Variants in FLNB observed in about 807,000 individuals in gnomAD.
FLNB encodes the protein filamin-B.
Under a neutral mutation model 250.6 loss-of-function variants are expected in FLNB, and 111 were observed. The observed-to-expected ratio is 0.44, with a 90% CI of 0.38 to 0.52. The LOEUF (loss-of-function observed/expected upper bound fraction) is 0.52, where lower values mean the gene tolerates loss of function less well. FLNB is among the 20% of genes least tolerant of loss of function. The pLI is 0.00. For missense variants in FLNB, 2,869 were observed against 3,447.8 expected, an observed-to-expected ratio of 0.83 and a Z score of 4.20; for synonymous variants, 1,302 against 1,372.1, an observed-to-expected ratio of 0.95 and a Z score of 1.13.
rs141420408 is a variant in FLNB at position 58,067,008 on chromosome 3, T to C, written c.293-10038T>C. Among the ~76,000 whole-genome samples the C allele has an allele frequency of 6.2e-4, 95 of 152,286 alleles. 1 individual carries two copies. Among genetic ancestry groups the C allele is most frequent in the East Asian group, 3.3e-3 (17 of 5,184 alleles). On this transcript the variant is annotated intron_variant, in intron 1 of 45. Coordinates refer to ENST00000295956, the MANE Select transcript of FLNB (RefSeq NM_001457.4). ...GAAGTCTGAGGTTATGCATAAGGAA[T>C]GTGTTATGGGCCTATAGTAGAAATC...
chr3:58,077,351 A>G, intron 2 of FLNB, 57 bp downstream of exon 2: 1 of 1,595,394 alleles, frequency 6.3e-7, no homozygotes, highest in African/African-American at 1.3e-5. Context: ...GTGGGTCCCA[A>G]ACATTCTGGT....
rs114589259 is a variant in FLNB at position 58,144,763 on chromosome 3, A to G, written c.5425+1150A>G. On this transcript the variant is annotated intron_variant, in intron 32 of 45. Coordinates refer to ENST00000295956, the MANE Select transcript of FLNB (RefSeq NM_001457.4). ...CTTCTTTTCCACAAAATTTGCCAGT[A>G]GAATATGGTATCAAATTTTTGGAGC... 5.8e-3 allele frequency among the ~76,000 whole-genome samples: 891 copies of G among 152,374 alleles called. 5 individuals are homozygous for G. Among genetic ancestry groups the G allele is most frequent in the African/African-American group, 0.02 (834 of 41,594 alleles).
intron 1 of FLNB, among the ~76,000 whole-genome samples, chr3:58,071,513 A>C (rs1016771938): frequency 6.6e-6 from 1 of 151,890 alleles, no homozygotes; most frequent in African/African-American, 2.4e-5. Flanking sequence ...TCCTGACCCC[A>C]AGTGATCCTC....
chr3:58,036,564 T>C (rs1388979759), intron 1 of FLNB, among the ~76,000 whole-genome samples: 1 of 152,182 alleles, frequency 6.6e-6, no homozygotes, highest in East Asian at 1.9e-4. Context: ...GTCTGCAAAC[T>C]ATCTCAAGCA....
intron 1 of FLNB, among the ~76,000 whole-genome samples, chr3:58,019,355 G>A (rs1290948395): frequency 1.3e-5 from 2 of 152,124 alleles, no homozygotes; most frequent in African/African-American, 4.8e-5. Flanking sequence ...TGTAACAAAG[G>A]CCAAACAGAG....
intron 25 of FLNB, chr3:58,132,315 TG>T: frequency 4.5e-6 from 2 of 441,604 alleles, no homozygotes; most frequent in South Asian, 4.6e-5. Context: ...CCTGCACCTA[TG>T]CCCCAGCATG....
chr3:58,044,084 G>C (rs1343366038), intron 1 of FLNB, among the ~76,000 whole-genome samples: 1 of 152,174 alleles, frequency 6.6e-6, no homozygotes, highest in South Asian at 2.1e-4. Context: ...CATAGGCAGA[G>C]ACCTCAGGGA....
intron 18 of FLNB, among the ~76,000 whole-genome samples, chr3:58,116,436 C>T (rs1390935151): frequency 6.6e-6 from 1 of 152,168 alleles, no homozygotes; most frequent in African/African-American, 2.4e-5. Context: ...ACGTGGGGAG[C>T]CGAGGTCCTG....
chr3:58,155,838 A>C, intron 40 of FLNB, 122 bp from the exon 41 acceptor site: 1 of 710,756 alleles, frequency 1.4e-6, no homozygotes, highest in South Asian at 1.5e-5. Flanking sequence ...CCACTCAACC[A>C]ATCAGCTGTG....
intron 25 of FLNB, chr3:58,132,163 C>G: frequency 1.6e-6 from 1 of 639,270 alleles, no homozygotes; most frequent in Non-Finnish European, 2.8e-6. Context: ...GTTGACCCAT[C>G]CTTGACTGTC....
intron 36 of FLNB, 101 bp from the exon 37 acceptor site, chr3:58,149,749 A>T: frequency 6.8e-7 from 1 of 1,464,960 alleles, no homozygotes; most frequent in Non-Finnish European, 9.5e-7. Context: ...GCTATGTAGA[A>T]ATAGATTGAG....
chr3:58,170,499 T>G lies in FLNB; in HGVS notation c.7622-76T>G, dbSNP rs982091626. ...GCATTATCGTGGAAGCACCTTACCT[T>G]TGGCTCTCATATTTCCTCTTCTTCC... On this transcript the variant is annotated intron_variant, in intron 45 of 45. Transcript: ENST00000295956. 3.4e-6 allele frequency: 5 copies of G among 1,452,302 alleles called. No individual in the cohort carries two copies. In the Admixed American group the frequency reaches 7.3e-5, roughly 21 times the overall value. The allele number at this position is 1,452,302 out of a possible 1,614,324, so 90.0% of individuals were successfully genotyped here. A position where few individuals can be genotyped will look rare whatever the true frequency, so the allele number is the denominator to read the frequency against.
Position 58,146,808 on chromosome 3 carries a change from TC to T in FLNB, c.5555-9del. On this transcript the variant is annotated splice_polypyrimidine_tract_variant and intron_variant, in intron 33 of 45. Coordinates refer to ENST00000295956, the MANE Select transcript of FLNB (RefSeq NM_001457.4). ...CTCCCTAACACCCCTGCATCCCTGT[TC>T]CCACTTGTAGGTGGTCTGGACTTGG... 1 of 1,614,132 alleles carries T rather than the reference TC, an allele frequency of 6.2e-7. No homozygotes were observed. Among genetic ancestry groups the T allele is most frequent in the Non-Finnish European group, 8.5e-7 (1 of 1,179,960 alleles).
At chr3:58,050,111 C>T (rs890817186) in intron 1 of FLNB, among the ~76,000 whole-genome samples, 4 of 150,884 alleles carry the variant, frequency 2.7e-5, no homozygotes, top group South Asian at 2.1e-4. Flanking sequence ...CTCACCGCAA[C>T]CTCTGCCTCC....
In FLNB at chr3:58,154,906, A is replaced by T; in HGVS notation, c.6750A>T (p.Val2250=). The T allele has an allele frequency of 6.2e-7, 1 of 1,614,124 alleles. No homozygotes were observed. Among genetic ancestry groups the T allele is most frequent in the Non-Finnish European group, 8.5e-7 (1 of 1,179,992 alleles). The part of the protein sequence containing the change: ...FDDHKNGSCG[V]SYIAQEPGNY... ...ACCATAAAAATGGGTCGTGCGGTGTATCTTATATTGCCCAAGAGCCTGGTA... is the reference window on the plus strand; with the variant it reads ...ACCATAAAAATGGGTCGTGCGGTGTTTCTTATATTGCCCAAGAGCCTGGTA... Residue 2250 remains valine, a synonymous_variant, in exon 40 of 46, where the codon GTA becomes GTT. Transcript: ENST00000295956.
chr3:58,068,768 GGCT>G (rs886796580), intron 1 of FLNB, among the ~76,000 whole-genome samples: 129 of 151,950 alleles, frequency 8.5e-4, no homozygotes, highest in Admixed American at 3.5e-3. Flanking sequence ...GCTCTTCACA[GGCT>G]GCTGCTGCTG....
chr3:58,126,827 T>C, intron 24 of FLNB, 65 bp downstream of exon 24: 2 of 1,490,758 alleles, frequency 1.3e-6, no homozygotes, highest in South Asian at 2.3e-5. Flanking sequence ...GGTTTGATTT[T>C]GGTTATCTCT....
rs754305434 is a variant in FLNB, at chr3:58,141,941, G to GT, written c.5181+18dup. The stretch of plus-strand genomic sequence containing the variant: ...GATTCAGGCCCTGGGTACAATTTTG[G>GT]TTTTTTCCTTTTTGTGTTTCTGTGT... On this transcript the variant is annotated intron_variant, in intron 30 of 45. Transcript: ENST00000295956. The GT allele has an allele frequency of 2.5e-6, 4 of 1,612,798 alleles. No individual in the cohort carries two copies. Among genetic ancestry groups the GT allele is most frequent in the South Asian group, 1.1e-5 (1 of 91,048 alleles).
chr3:58,034,062 T>C (rs1047993614), intron 1 of FLNB, among the ~76,000 whole-genome samples: 1 of 152,156 alleles, frequency 6.6e-6, no homozygotes, highest in African/African-American at 2.4e-5. Flanking sequence ...GGTTTCACCA[T>C]GTTGGTCATG....
Sources: allele counts gnomAD v4.1 joint callset (sites outside exome capture counted in the v4.1 genomes callset), GRCh38; gene constraint gnomAD v4.1.1; transcripts MANE v1.5; gene names NCBI Gene and HGNC (gene_info 2026-07-23, HGNC 2026-07-21).